PIEZO2: variants seen among roughly 807,000 people sequenced by gnomAD.
PIEZO2 encodes the protein piezo type mechanosensitive ion channel component 2.
Under a neutral mutation model 337.3 loss-of-function variants are expected in PIEZO2, and 172 were observed. The ratio of observed to expected loss-of-function variants is 0.51; its 90% CI spans 0.45 to 0.58. PIEZO2 has a LOEUF of 0.58. Ranked by LOEUF, PIEZO2 falls within the 20% of genes least tolerant of loss-of-function variation. The pLI is 0.00. For synonymous variants in PIEZO2, 1,251 were observed against 1,228.5 expected, an observed-to-expected ratio of 1.02 and a Z score of -0.38; for missense variants, 3,028 against 3,391.3, an observed-to-expected ratio of 0.89 and a Z score of 2.66.
chr18:10,804,047 G>A, intron 8 of PIEZO2, 53 bp from the exon 9 acceptor site: 2 of 1,523,728 alleles, frequency 1.3e-6, no homozygotes, highest in East Asian at 4.9e-5. Context: ...TCCCTAGACA[G>A]CCTGGGTGGC....
intron 1 of PIEZO2, among the ~76,000 whole-genome samples, chr18:11,135,403 G>C (rs1178533253): frequency 1.3e-5 from 2 of 152,178 alleles, no homozygotes; most frequent in African/African-American, 4.8e-5. Context: ...AGTAAAATCA[G>C]AGTATGATTT....
rs1400810615 is a variant in PIEZO2 at position 10,795,300 on chromosome 18, A to G, written c.1528-298T>C. 7.7e-6 allele frequency among the ~76,000 whole-genome samples: 1 copy of G among 129,106 alleles called. No homozygotes were observed. The highest frequency in any genetic ancestry group is 1.7e-5 in the Non-Finnish European group (1 of 58,780). The allele number at this position is 129,106 out of a possible 152,430, so 84.7% of individuals were successfully genotyped here. ...ATAGACTTTTTTCAGTTAAGTAGCA[A>G]AATGTGTATTCAAATATTTTATTTT... On this transcript the variant is annotated intron_variant, in intron 12 of 55. Coordinates refer to ENST00000674853, the MANE Select transcript of PIEZO2 (RefSeq NM_001378183.1). This position sits in a 1 kb window ranked among gnomAD's most constrained non-coding sequence, Gnocchi z 4.4.
At chr18:11,056,181 G>C (rs1568334821) in intron 2 of PIEZO2, among the ~76,000 whole-genome samples, 1 of 152,132 alleles carries the variant, frequency 6.6e-6, no homozygotes, top group African/African-American at 2.4e-5. Flanking sequence ...TTGAGGCCTC[G>C]GCACCCTGTG....
rs1333077595 is a variant in PIEZO2, at chr18:10,774,632, C to CA, written c.2535-595dup. On this transcript the variant is annotated intron_variant, in intron 18 of 55. Coordinates refer to ENST00000674853, the MANE Select transcript of PIEZO2 (RefSeq NM_001378183.1). ...GCCCACTCAGCAGCCTGGGATGTTA[C>CA]AGTTTATTTCTTAGTGGACCATAAC... Among the ~76,000 whole-genome samples the CA allele has an allele frequency of 3.3e-5, 5 of 152,188 alleles. No individual in the cohort carries two copies. In the East Asian group the frequency reaches 9.6e-4, roughly 29 times the overall value.
intron 4 of PIEZO2, among the ~76,000 whole-genome samples, chr18:10,902,404 A>G (rs1171749775): frequency 1.3e-5 from 2 of 152,226 alleles, no homozygotes; most frequent in African/African-American, 4.8e-5. Context: ...AGAAAGAAAT[A>G]CACTGATATC....
At position 10,962,594 on chromosome 18, in the gene PIEZO2, G is replaced by A. The variant is rs538396132; in HGVS notation, c.286+16941C>T. ...ATGTTGCTCTAGACCAGGCATTTTTGCCTCATTCAGCTGTGCTACATTGCC... is the reference window on the plus strand; with the variant it reads ...ATGTTGCTCTAGACCAGGCATTTTTACCTCATTCAGCTGTGCTACATTGCC... On this transcript the variant is annotated intron_variant, in intron 3 of 55. Transcript: ENST00000674853. The surrounding 1 kb of genome is among the most constrained non-coding windows in gnomAD (Gnocchi z 4.1). Among the ~76,000 whole-genome samples, 1 of 152,216 alleles carries A rather than the reference G, an allele frequency of 6.6e-6. No individual in the cohort carries two copies. Among genetic ancestry groups the A allele is most frequent in the African/African-American group, 2.4e-5 (1 of 41,538 alleles).
chr18:10,996,661 A>G (rs142407795), intron 2 of PIEZO2, among the ~76,000 whole-genome samples: 35 of 152,324 alleles, frequency 2.3e-4, no homozygotes, highest in African/African-American at 7.9e-4. Context: ...ATGTATCAGT[A>G]CTTCATTCTT....
intron 5 of PIEZO2, among the ~76,000 whole-genome samples, 152 bp downstream of exon 5, chr18:10,871,101 G>T (rs925336412): frequency 2.0e-5 from 3 of 152,094 alleles, no homozygotes; most frequent in Non-Finnish European, 2.9e-5. Flanking sequence ...CTGCACGAGG[G>T]TGTCATGCAA....
intron 9 of PIEZO2, 52 bp from the exon 10 acceptor site, chr18:10,801,480 T>C: frequency 7.0e-7 from 1 of 1,434,902 alleles, no homozygotes; most frequent in Non-Finnish European, 9.5e-7. Context: ...GAAAGCATTT[T>C]ACTGTTTATG....
Position 11,149,557 on chromosome 18 carries a change from C to A in PIEZO2, c.-969G>T, listed in dbSNP as rs935570598. Among the ~76,000 whole-genome samples the A allele has an allele frequency of 6.6e-6, 1 of 152,004 alleles. No homozygotes were observed. The highest frequency in any genetic ancestry group is 1.5e-5 in the Non-Finnish European group (1 of 67,962). On this transcript the variant is annotated 5_prime_UTR_variant, in exon 1 of 56. Coordinates refer to ENST00000674853, the MANE Select transcript of PIEZO2 (RefSeq NM_001378183.1). The surrounding 1 kb of genome is among the most constrained non-coding windows in gnomAD (Gnocchi z 8.7). The stretch of plus-strand genomic sequence containing the variant: ...CGGGGCTCCCCGGCGGCGCGCGCTT[C>A]TCCACCTTCAATGAAACTTTCGAAG...
intron 4 of PIEZO2, among the ~76,000 whole-genome samples, chr18:10,889,583 G>C (rs2042699826): frequency 6.6e-6 from 1 of 152,146 alleles, no homozygotes; most frequent in Non-Finnish European, 1.5e-5. Flanking sequence ...TATCAACTTG[G>C]TCAAGCTGAG....
chr18:11,031,649 C>T lies in PIEZO2; in HGVS notation c.160+34478G>A, dbSNP rs560674770. ...TAACATAGACACCAGCTACTCATAA[C>T]TAATGCTAGCATTCCAGGGCAGCAT... On this transcript the variant is annotated intron_variant, in intron 2 of 55. Coordinates refer to ENST00000674853, the MANE Select transcript of PIEZO2 (RefSeq NM_001378183.1). The surrounding 1 kb of genome is among the most constrained non-coding windows in gnomAD (Gnocchi z 4.7). Among the ~76,000 whole-genome samples the T allele has an allele frequency of 1.3e-5, 2 of 152,296 alleles. No individual in the cohort carries two copies. Among genetic ancestry groups the T allele is most frequent in the African/African-American group, 4.8e-5 (2 of 41,568 alleles).
In PIEZO2 at chr18:10,979,600, T is replaced by C. The variant is rs751925471; in HGVS notation, c.221A>G (p.His74Arg). Residue 74 changes from histidine (H) to arginine (R), a missense_variant, in exon 3 of 56, where the codon CAC becomes CGC. Coordinates refer to ENST00000674853, the MANE Select transcript of PIEZO2 (RefSeq NM_001378183.1). This position sits in a 1 kb window ranked among gnomAD's most constrained non-coding sequence, Gnocchi z 4.0. ...CACCAACGTGATGTGGAAAATGATG[T>C]GCAGCAACAGGAAGGAAAGACTGAT... ...CFISLSFLLL[H>R]IIFHITLVSL... 3.3e-6 allele frequency: 5 copies of C among 1,536,256 alleles called. No homozygotes were observed. The South Asian group carries it at 4.8e-5, about 15-fold the overall frequency.
rs2040872644 is a variant in PIEZO2 at position 11,148,667 on chromosome 18, G to C, written c.-79C>G. 7.0e-7 allele frequency: 1 copy of C among 1,432,530 alleles called. No homozygotes were observed. Among genetic ancestry groups the C allele is most frequent in the Admixed American group, 2.0e-5 (1 of 49,406 alleles). 88.7% of individuals were successfully genotyped at this position (1,432,530 alleles called of 1,614,324 possible). On this transcript the variant is annotated 5_prime_UTR_variant, in exon 1 of 56. Transcript: ENST00000674853. This position sits in a 1 kb window ranked among gnomAD's most constrained non-coding sequence, Gnocchi z 5.2. ...GTGGTGGGACGCAAGGCCCATGCCC[G>C]TCTATGGCCTCTCGCCGCCGGCAGC... is the stretch of plus-strand genomic sequence containing the variant.
intron 1 of PIEZO2, among the ~76,000 whole-genome samples, chr18:11,086,506 G>A (rs539930012): frequency 2.8e-5 from 4 of 144,860 alleles, no homozygotes; most frequent in Non-Finnish European, 4.6e-5. Context: ...GCAACAGAGC[G>A]AGACTCCGTC....
chr18:11,123,574 C>T (rs569964867), intron 1 of PIEZO2, among the ~76,000 whole-genome samples: 6 of 152,136 alleles, frequency 3.9e-5, no homozygotes, highest in South Asian at 4.2e-4. Context: ...TTTGGGAGGC[C>T]GAGGCGGGCG....
intron 2 of PIEZO2, among the ~76,000 whole-genome samples, chr18:11,064,552 C>T (rs73398585): frequency 1.3e-5 from 2 of 152,252 alleles, no homozygotes; most frequent in African/African-American, 4.8e-5. Flanking sequence ...CCTATGATGT[C>T]CCTGATAGTG....
Position 10,893,084 on chromosome 18 carries a change from A to C in PIEZO2, c.329+18102T>G, listed in dbSNP as rs370408310. ...GCTGGATTCAGAGGAAACTGTTTCT[A>C]CTGCGAATCCCTTTGCTTAAAATTC... is the stretch of plus-strand genomic sequence containing the variant. On this transcript the variant is annotated intron_variant, in intron 4 of 55. Transcript: ENST00000674853. Among the ~76,000 whole-genome samples the C allele has an allele frequency of 3.9e-5, 6 of 152,364 alleles. No homozygotes were observed. The East Asian group carries it at 1.2e-3, about 29-fold the overall frequency.
chr18:10,892,655 G>A (rs196956), intron 4 of PIEZO2, among the ~76,000 whole-genome samples: 93,772 of 151,134 alleles, frequency 0.62, 29,131 homozygotes, highest in East Asian at 0.77. Context: ...CCAGAGAGAG[G>A]GAGAGAGAAA....
Sources: gnomAD v4.1 joint callset for allele counts (sites outside exome capture counted in the v4.1 genomes callset) on GRCh38, gnomAD v4.1.1 for gene constraint, Gnocchi (gnomAD v3.1) non-coding constraint, MANE v1.5 for transcripts, NCBI Gene and HGNC (gene_info 2026-07-23, HGNC 2026-07-21) for gene names.